Variants in CGNL1 observed in about 807,000 individuals in gnomAD.
The protein encoded by CGNL1 is cingulin like 1.
Under a neutral mutation model 141.2 loss-of-function variants are expected in CGNL1, and 132 were observed. The observed-to-expected ratio is 0.93, with a 90% CI of 0.81 to 1.08. CGNL1 has a LOEUF of 1.08. CGNL1 is among the 50% of genes least tolerant of loss of function. The probability of loss-of-function intolerance (pLI) is 0.00; values close to 1 mark genes in which losing one functional copy is unlikely to be tolerated. For missense variants in CGNL1, 1,870 were observed against 1,588.6 expected (o/e 1.18, Z -3.01); for synonymous variants, 690 against 622.1 (o/e 1.11, Z -1.63).
intron 8 of CGNL1, among the ~76,000 whole-genome samples, chr15:57,490,083 C>T (rs1186683463): frequency 6.6e-6 from 1 of 151,930 alleles, no homozygotes; most frequent in Non-Finnish European, 1.5e-5. Context: ...GTAGACTGGA[C>T]TTTTACACAT....
At chr15:57,415,300 G>A (rs889899372) in intron 1 of CGNL1, among the ~76,000 whole-genome samples, 3 of 152,158 alleles carry the variant, frequency 2.0e-5, no homozygotes, top group Non-Finnish European at 4.4e-5. Context: ...TTGAGCTGGG[G>A]AGATTATCCT....
At chr15:57,543,933 C>T (rs1338882055) in intron 15 of CGNL1, among the ~76,000 whole-genome samples, 154 bp downstream of exon 15, 2 of 152,062 alleles carry the variant, frequency 1.3e-5, no homozygotes, top group African/African-American at 4.8e-5. Flanking sequence ...TTGTTTTTCC[C>T]GGTCATATGA....
intron 8 of CGNL1, among the ~76,000 whole-genome samples, chr15:57,481,686 G>A (rs1421091702): frequency 6.6e-6 from 1 of 151,952 alleles, no homozygotes; most frequent in African/African-American, 2.4e-5. Context: ...TTTTTTCTGG[G>A]ATAAATAGGA....
At chr15:57,413,425 G>T (rs757862470) in intron 1 of CGNL1, among the ~76,000 whole-genome samples, 2 of 152,120 alleles carry the variant, frequency 1.3e-5, no homozygotes, top group South Asian at 2.1e-4. Context: ...TACAAGGTGC[G>T]CACCGCCATG....
At chr15:57,437,313 G>T (rs1016095968) in intron 1 of CGNL1, among the ~76,000 whole-genome samples, 14 of 152,064 alleles carry the variant, frequency 9.2e-5, no homozygotes, top group African/African-American at 3.1e-4. Context: ...GATTGAAAAT[G>T]ATTTATAATC....
intron 8 of CGNL1, among the ~76,000 whole-genome samples, chr15:57,511,239 C>A (rs945748431): frequency 1.3e-4 from 20 of 152,156 alleles, no homozygotes; most frequent in African/African-American, 4.8e-4. Flanking sequence ...CTAAAAACAT[C>A]TTTATCCCTC....
At chr15:57,421,686 G>A (rs2062916739) in intron 1 of CGNL1, among the ~76,000 whole-genome samples, 1 of 152,118 alleles carries the variant, frequency 6.6e-6, no homozygotes, top group Non-Finnish European at 1.5e-5. Flanking sequence ...GAAACACCCT[G>A]AGAAGGAAGT....
chr15:57,506,679 A>C (rs2064107866), intron 8 of CGNL1, among the ~76,000 whole-genome samples: 2 of 152,176 alleles, frequency 1.3e-5, no homozygotes, highest in South Asian at 4.1e-4. Flanking sequence ...AGCAGAGGTC[A>C]CAAGCAAGGA....
At chr15:57,482,877 C>A (rs185679937) in intron 8 of CGNL1, among the ~76,000 whole-genome samples, 1 of 151,898 alleles carries the variant, frequency 6.6e-6, no homozygotes, top group Non-Finnish European at 1.5e-5. Flanking sequence ...CTCTGCCTTC[C>A]GGATTCAAGC....
At chr15:57,526,067 G>A (rs2031592392) in intron 12 of CGNL1, among the ~76,000 whole-genome samples, 2 of 152,004 alleles carry the variant, frequency 1.3e-5, no homozygotes, top group Admixed American at 6.6e-5. Context: ...GAATCCTTGG[G>A]TTGGAAAGAA....
At chr15:57,480,498 C>A (rs2063712020) in intron 8 of CGNL1, among the ~76,000 whole-genome samples, 4 of 151,852 alleles carry the variant, frequency 2.6e-5, no homozygotes, top group Admixed American at 2.0e-4. Flanking sequence ...CCAGCCTGGA[C>A]AACAGAGTGA....
At chr15:57,523,171 T>A (rs1447543863) in intron 10 of CGNL1, among the ~76,000 whole-genome samples, 1 of 152,198 alleles carries the variant, frequency 6.6e-6, no homozygotes, top group African/African-American at 2.4e-5. Flanking sequence ...ATTTCAAGCA[T>A]GAACATTCAG....
At chr15:57,382,507 G>A (rs899293087) in intron 1 of CGNL1, among the ~76,000 whole-genome samples, 8 of 152,286 alleles carry the variant, frequency 5.3e-5, no homozygotes, top group South Asian at 4.1e-4. Context: ...GTACGTAATC[G>A]TTCAGGTGAT....
intron 1 of CGNL1, among the ~76,000 whole-genome samples, chr15:57,387,027 C>T (rs1269437287): frequency 2.0e-5 from 3 of 152,036 alleles, no homozygotes. Flanking sequence ...CTATCTAATT[C>T]CAAAACTTTT....
chr15:57,494,921 C>A (rs979485135), intron 8 of CGNL1, among the ~76,000 whole-genome samples: 13 of 152,224 alleles, frequency 8.5e-5, no homozygotes, highest in Admixed American at 5.2e-4. Context: ...AGCTCCTCTT[C>A]TCTGCATGCA....
chr15:57,452,137 T>C lies in CGNL1; in HGVS notation c.1906-4T>C, dbSNP rs769056707. Reference sequence around the variant, plus strand: ...CTCTTTAAAATCACACTGATTCCTGTTAGAATCAACAGAACATTAAAGAAG... The same window carrying C: ...CTCTTTAAAATCACACTGATTCCTGCTAGAATCAACAGAACATTAAAGAAG... On this transcript the variant is annotated splice_region_variant and splice_polypyrimidine_tract_variant and intron_variant, in intron 5 of 18. Transcript: ENST00000281282. 3.7e-6 allele frequency: 6 copies of C among 1,610,762 alleles called. No homozygotes were observed. The highest frequency in any genetic ancestry group is 2.7e-5 in the African/African-American group (2 of 74,604).
At chr15:57,481,064 G>GTTTTTTTTTTTTTTTTTTTT (rs11298152) in intron 8 of CGNL1, among the ~76,000 whole-genome samples, 1 of 116,086 alleles carries the variant, frequency 8.6e-6, no homozygotes, top group African/African-American at 3.1e-5. Context: ...AAGACCTGGG[G>GTTTTTTTTTTTTTTTTTTTT]TTTTTTTTTT....
intron 4 of CGNL1, among the ~76,000 whole-genome samples, chr15:57,450,067 A>G (rs1448854633): frequency 2.0e-5 from 3 of 152,196 alleles, no homozygotes; most frequent in Non-Finnish European, 4.4e-5. Flanking sequence ...AATTTGGGTA[A>G]ACACCCAGAG....
At chr15:57,528,838 G>A (rs1209093348) in intron 13 of CGNL1, 23 bp downstream of exon 13, 1 of 1,610,972 alleles carries the variant, frequency 6.2e-7, no homozygotes, top group African/African-American at 1.3e-5. Context: ...TACAGTGTGA[G>A]CTGGGGGACC....
Sources: allele counts gnomAD v4.1 joint callset (sites outside exome capture counted in the v4.1 genomes callset), GRCh38; gene constraint gnomAD v4.1.1; transcripts MANE v1.5; gene names NCBI Gene and HGNC (gene_info 2026-07-23, HGNC 2026-07-21).